Variants in TBC1D22A observed in about 807,000 individuals in gnomAD.
TBC1D22A encodes TBC1 domain family member 22A, also known as putative GTPase activator.
A neutral mutation model predicts 60.2 loss-of-function variants in TBC1D22A; 38 were observed. That is an observed-to-expected ratio of 0.63 (90% CI 0.49 to 0.83). The LOEUF (loss-of-function observed/expected upper bound fraction) is 0.83. TBC1D22A is among the 40% of genes least tolerant of loss of function. The pLI is 0.00. For synonymous variants in TBC1D22A, 302 were observed against 281.7 expected, an observed-to-expected ratio of 1.07 and a Z score of -0.72; for missense variants, 628 against 701.0, an observed-to-expected ratio of 0.90 and a Z score of 1.18.
chr22:47,151,322 C>T (rs1048085529), intron 12 of TBC1D22A, among the ~76,000 whole-genome samples: 3 of 152,196 alleles, frequency 2.0e-5, no homozygotes, highest in Non-Finnish European at 2.9e-5. Flanking sequence ...CACGCAGAAC[C>T]GACCTTTCCA....
At chr22:47,002,555 C>T (rs1217347229) in intron 10 of TBC1D22A, among the ~76,000 whole-genome samples, 1 of 152,212 alleles carries the variant, frequency 6.6e-6, no homozygotes, top group Non-Finnish European at 1.5e-5. Flanking sequence ...TATTTGAAAC[C>T]TCAGCAGATG....
Position 46,974,443 on chromosome 22 carries a change from C to A in TBC1D22A, c.1125+44C>A, listed in dbSNP as rs371589425. The A allele has an allele frequency of 2.6e-6, 4 of 1,532,944 alleles. No individual in the cohort carries two copies. The African/African-American group carries it at 4.1e-5, about 16-fold the overall frequency. The allele number at this position is 1,532,944 out of a possible 1,614,324, so 95.0% of individuals were successfully genotyped here. A position where few individuals can be genotyped will look rare whatever the true frequency, so the allele number is the denominator to read the frequency against. ...GGGACACAGCCCACGCCCACAGCCC[C>A]TGCGGTGAAGAGAGCCTGAGGCCTT... On this transcript the variant is annotated intron_variant, in intron 9 of 12. Transcript: ENST00000337137.
intron 4 of TBC1D22A, among the ~76,000 whole-genome samples, chr22:46,844,237 A>G (rs563530628): frequency 6.6e-6 from 1 of 152,092 alleles, no homozygotes; most frequent in Non-Finnish European, 1.5e-5. Flanking sequence ...TTGCCATGCC[A>G]CGGTGCCCAT....
intron 12 of TBC1D22A, among the ~76,000 whole-genome samples, chr22:47,165,987 AAATAAC>A (rs1273572615): frequency 6.6e-6 from 1 of 152,246 alleles, no homozygotes; most frequent in Non-Finnish European, 1.5e-5. Context: ...TAGGGGAAGA[AAATAAC>A]AAGAGTAGGC....
chr22:47,099,463 G>A (rs1395532212), intron 11 of TBC1D22A, among the ~76,000 whole-genome samples: 1 of 128,074 alleles, frequency 7.8e-6, no homozygotes. Flanking sequence ...TTTTTTTTTT[G>A]AAACGGAGTT....
At chr22:47,168,496 A>C (rs1001945762) in intron 12 of TBC1D22A, among the ~76,000 whole-genome samples, 1 of 152,350 alleles carries the variant, frequency 6.6e-6, no homozygotes, top group South Asian at 2.1e-4. Flanking sequence ...TGGGGAGAGC[A>C]GCAGGGACGC....
intron 5 of TBC1D22A, among the ~76,000 whole-genome samples, chr22:46,890,232 G>A (rs562539610): frequency 6.6e-6 from 1 of 152,130 alleles, no homozygotes; most frequent in Non-Finnish European, 1.5e-5. Flanking sequence ...CCAGCTACTC[G>A]GGAGGCTGAG....
chr22:46,961,383 GACACCAGC>G (rs1265869790), intron 8 of TBC1D22A, among the ~76,000 whole-genome samples: 1 of 152,170 alleles, frequency 6.6e-6, no homozygotes, highest in Non-Finnish European at 1.5e-5. Flanking sequence ...CCAGCTCAAA[GACACCAGC>G]ACCTTAGCTC....
Position 47,060,555 on chromosome 22 carries a change from C to T in TBC1D22A, c.1329+23357C>T, listed in dbSNP as rs138543252. ...AAACGATTCTCCTACCTCAGCCTCC[C>T]GAGTAGCTGGGATTACAGATGCCTG... On this transcript the variant is annotated intron_variant, in intron 11 of 12. Coordinates refer to ENST00000337137, the MANE Select transcript of TBC1D22A (RefSeq NM_014346.5). 8.1e-3 allele frequency among the ~76,000 whole-genome samples: 1,240 copies of T among 152,282 alleles called. 17 individuals carry two copies. Among genetic ancestry groups the T allele is most frequent in the African/African-American group, 0.028 (1,152 of 41,554 alleles).
chr22:46,919,834 A>C (rs2147833071), intron 8 of TBC1D22A, among the ~76,000 whole-genome samples: 1 of 151,274 alleles, frequency 6.6e-6, no homozygotes, highest in Non-Finnish European at 1.5e-5. Flanking sequence ...ATAAGAAGGG[A>C]TGTTGACTGT....
At chr22:46,819,679 G>A (rs145960013) in intron 4 of TBC1D22A, among the ~76,000 whole-genome samples, 2,139 of 152,322 alleles carry the variant, frequency 0.014, 49 homozygotes, top group African/African-American at 0.048. Context: ...GTTCATCAGG[G>A]ATATTGGCCT....
At chr22:46,992,056 G>A (rs1429809165) in intron 9 of TBC1D22A, among the ~76,000 whole-genome samples, 1 of 152,230 alleles carries the variant, frequency 6.6e-6, no homozygotes, top group African/African-American at 2.4e-5. Flanking sequence ...TGGCTCAGCT[G>A]TCAGACTGTC....
intron 10 of TBC1D22A, among the ~76,000 whole-genome samples, chr22:47,003,015 C>T (rs925542024): frequency 3.3e-5 from 5 of 152,138 alleles, no homozygotes; most frequent in African/African-American, 1.2e-4. Context: ...TGTGCCTTTG[C>T]CTCTCTTTAG....
At chr22:46,848,545 G>A (rs888928049) in intron 4 of TBC1D22A, among the ~76,000 whole-genome samples, 2 of 152,202 alleles carry the variant, frequency 1.3e-5, no homozygotes, top group Non-Finnish European at 2.9e-5. Flanking sequence ...TCGACCAACC[G>A]TTTGCAGCCC....
At chr22:46,769,684 C>G (rs777672569) in intron 1 of TBC1D22A, among the ~76,000 whole-genome samples, 33 of 152,158 alleles carry the variant, frequency 2.2e-4, no homozygotes, top group Middle Eastern at 3.4e-3. Flanking sequence ...GCTTCCAAGG[C>G]CATGGTGAAG....
chr22:47,171,787 G>T lies in TBC1D22A; in HGVS notation c.1426-1711G>T, dbSNP rs138363921. ...CGAGGACCTGTGCTTTTCCTTCCCC[G>T]TTGTGGCCTCAGTGGACGTAGGTCA... On this transcript the variant is annotated intron_variant, in intron 12 of 12. Transcript: ENST00000337137. Among the ~76,000 whole-genome samples the T allele has an allele frequency of 6.2e-3, 950 of 152,298 alleles. 10 individuals carry two copies. Among genetic ancestry groups the T allele is most frequent in the African/African-American group, 0.022 (898 of 41,570 alleles).
intron 11 of TBC1D22A, among the ~76,000 whole-genome samples, chr22:47,099,874 C>T (rs771642489): frequency 9.9e-5 from 15 of 152,282 alleles, no homozygotes; most frequent in Non-Finnish European, 1.8e-4. Flanking sequence ...GTTTTCTCGT[C>T]TATAGAGAGA....
intron 1 of TBC1D22A, among the ~76,000 whole-genome samples, chr22:46,783,112 G>A (rs1005740713): frequency 2.6e-5 from 4 of 152,172 alleles, no homozygotes; most frequent in Non-Finnish European, 1.5e-5. Context: ...TCACCATCAC[G>A]CTTTAGCGTC....
intron 4 of TBC1D22A, among the ~76,000 whole-genome samples, chr22:46,878,448 A>G (rs544535564): frequency 1.6e-3 from 233 of 143,962 alleles, no homozygotes; most frequent in Middle Eastern, 0.015. Context: ...TAAACAGGTA[A>G]CCTGTAGCTT....
Sources: gnomAD v4.1 joint callset for allele counts (sites outside exome capture counted in the v4.1 genomes callset) on GRCh38, gnomAD v4.1.1 for gene constraint, MANE v1.5 for transcripts, NCBI Gene and HGNC (gene_info 2026-07-23, HGNC 2026-07-21) for gene names.